MEP1B: variants seen among roughly 807,000 people sequenced by gnomAD.
The protein encoded by MEP1B is N-benzoyl-L-tyrosyl-P-amino-benzoic acid hydrolase subunit beta.
A neutral mutation model predicts 84.6 loss-of-function variants in MEP1B; 80 were observed. That is an observed-to-expected ratio of 0.95 (90% CI 0.79 to 1.14). MEP1B has a LOEUF of 1.14. MEP1B is among the 50% of genes most tolerant of loss of function. MEP1B has a pLI of 0.00. For synonymous variants in MEP1B, 273 were observed against 288.1 expected (o/e 0.95, Z 0.53); for missense variants, 766 against 855.1 (o/e 0.90, Z 1.30).
chr18:32,191,249 T>C (rs2040799369), intron 1 of MEP1B, among the ~76,000 whole-genome samples: 1 of 151,790 alleles, frequency 6.6e-6, no homozygotes, highest in Admixed American at 6.6e-5. Context: ...TGAGTTTCAT[T>C]GACCATTTGT....
At position 32,208,246 on chromosome 18, in the gene MEP1B, T is replaced by A. The variant is rs554435402; in HGVS notation, c.894T>A (p.Asp298Glu). 2 of 1,613,940 alleles carry A rather than the reference T, an allele frequency of 1.2e-6. No homozygotes were observed. The highest frequency in any genetic ancestry group is 2.7e-5 in the African/African-American group (2 of 75,056). Residue 298 changes from aspartate to glutamate, a missense_variant, in exon 9 of 15, where the codon GAT (aspartate) becomes GAA (glutamate). Coordinates refer to ENST00000269202, the MANE Select transcript of MEP1B (RefSeq NM_005925.3). Reference sequence around the variant, plus strand: ...AGGTTCCCAGGGGGCCAGAGAGTGATCACTCCAACATGGGCCAGTGCCAAG... The same window carrying A: ...AGGTTCCCAGGGGGCCAGAGAGTGAACACTCCAACATGGGCCAGTGCCAAG... ...VSQVPRGPESDHSNMGQCQGS... is the reference protein window; with the variant it reads ...VSQVPRGPESEHSNMGQCQGS...
At chr18:32,210,913 CACTT>C (rs2041020133) in intron 10 of MEP1B, among the ~76,000 whole-genome samples, 197 bp downstream of exon 10, 1 of 152,152 alleles carries the variant, frequency 6.6e-6, no homozygotes, top group Non-Finnish European at 1.5e-5. Flanking sequence ...ATGTAACACT[CACTT>C]AAGAAACTGT....
intron 7 of MEP1B, among the ~76,000 whole-genome samples, chr18:32,206,135 C>T (rs2040962213): frequency 6.6e-6 from 1 of 152,104 alleles, no homozygotes; most frequent in African/African-American, 2.4e-5. Flanking sequence ...GCGCCCGCCA[C>T]CACACCCGGC....
intron 6 of MEP1B, 184 bp downstream of exon 6, chr18:32,203,194 T>C (rs190545632): frequency 5.9e-5 from 30 of 511,372 alleles, no homozygotes; most frequent in African/African-American, 5.4e-4. Flanking sequence ...TTCCCATACA[T>C]GTAACCGCCT....
At chr18:32,190,794 T>A (rs1231809812) in intron 1 of MEP1B, among the ~76,000 whole-genome samples, 2 of 152,156 alleles carry the variant, frequency 1.3e-5, no homozygotes, top group Non-Finnish European at 1.5e-5. Context: ...ATTCTGTAGG[T>A]GCACTGGCAT....
intron 10 of MEP1B, among the ~76,000 whole-genome samples, 194 bp downstream of exon 10, chr18:32,210,910 A>G (rs939452498): frequency 6.6e-6 from 1 of 152,136 alleles, no homozygotes; most frequent in African/African-American, 2.4e-5. Flanking sequence ...GTTATGTAAC[A>G]CTCACTTAAG....
chr18:32,199,529 G>A (rs888660438), intron 5 of MEP1B, among the ~76,000 whole-genome samples: 2 of 152,304 alleles, frequency 1.3e-5, no homozygotes, highest in East Asian at 3.9e-4. Flanking sequence ...CAGGGGGCAT[G>A]AGGAGAGAAA....
intron 1 of MEP1B, among the ~76,000 whole-genome samples, chr18:32,190,973 T>G (rs866963698): frequency 1.3e-5 from 2 of 152,254 alleles, no homozygotes; most frequent in Middle Eastern, 6.8e-3. Flanking sequence ...AAAATTGTAC[T>G]TTACACTTTT....
At chr18:32,203,478 G>A (rs572194150) in intron 6 of MEP1B, among the ~76,000 whole-genome samples, 94 of 152,248 alleles carry the variant, frequency 6.2e-4, no homozygotes, top group African/African-American at 2.2e-3. Flanking sequence ...ATAACGAGGA[G>A]CTCAAAGACT....
chr18:32,216,276 A>G (rs936905307), intron 12 of MEP1B, among the ~76,000 whole-genome samples: 3 of 152,142 alleles, frequency 2.0e-5, no homozygotes, highest in Admixed American at 6.5e-5. Context: ...CCTCTTGGAG[A>G]GATTATTCAG....
rs1221058021 is a variant in MEP1B at position 32,208,268 on chromosome 18, C to T, written c.916C>T (p.Gln306Ter). Residue 306 changes from glutamine to a stop codon, truncating the protein, a stop_gained, in exon 9 of 15, where the codon CAA becomes TAA. Transcript: ENST00000269202. LOFTEE classifies it high-confidence loss of function. ...TGATCACTCCAACATGGGCCAGTGC[C>T]AAGGTAACAGGAGTGAGATATTCCT... is the stretch of plus-strand genomic sequence containing the variant. ...ESDHSNMGQC[Q>*]GSGFFMHFDS... 4 of 1,613,118 alleles carry T rather than the reference C, an allele frequency of 2.5e-6. No individual in the cohort carries two copies. The highest frequency in any genetic ancestry group is 3.4e-6 in the Non-Finnish European group (4 of 1,179,396).
Position 32,196,629 on chromosome 18 carries a change from C to A in MEP1B, c.250+1144C>A. The A allele has an allele frequency of 1.4e-6, 1 of 713,878 alleles. No individual in the cohort carries two copies. The highest frequency in any genetic ancestry group is 2.6e-6 in the Non-Finnish European group (1 of 389,512). 44.2% of individuals were successfully genotyped at this position (713,878 alleles called of 1,614,324 possible). A position where few individuals can be genotyped will look rare whatever the true frequency, so the allele number is the denominator to read the frequency against. ...GTACTCCATCACCCTGTGCAGCACC[C>A]GCCTGATGTTGTCCAGCACGCCACC... On this transcript the variant is annotated intron_variant, in intron 5 of 14. Coordinates refer to ENST00000269202, the MANE Select transcript of MEP1B (RefSeq NM_005925.3). This position sits in a 1 kb window ranked among gnomAD's most constrained non-coding sequence, Gnocchi z 4.4.
intron 1 of MEP1B, 29 bp downstream of exon 1, chr18:32,190,162 T>A (rs1159805228): frequency 1.9e-6 from 3 of 1,576,950 alleles, no homozygotes; most frequent in East Asian, 4.5e-5. Context: ...GAAGATAATT[T>A]AAAAATTTTG....
chr18:32,195,428 A>G lies in MEP1B; in HGVS notation c.193A>G (p.Ile65Val), dbSNP rs1011946139. ...LDRAQIRNSI[I>V]GEKYRWPHTI... ...ACAGGCACAAATTAGAAATTCCATC[A>G]TTGGAGAAAAGTATAGATGGCCTCA... is the stretch of plus-strand genomic sequence containing the variant. The change falls in exon 5 of 15, where the codon ATT becomes GTT. Residue 65 changes from isoleucine (I) to valine (V), a missense_variant. By Grantham distance (29) the Ile-to-Val change is conservative. Coordinates refer to ENST00000269202, the MANE Select transcript of MEP1B (RefSeq NM_005925.3). The G allele has an allele frequency of 6.2e-7, 1 of 1,612,090 alleles. No individual in the cohort carries two copies. Among genetic ancestry groups the G allele is most frequent in the Non-Finnish European group, 8.5e-7 (1 of 1,178,554 alleles).
intron 5 of MEP1B, among the ~76,000 whole-genome samples, chr18:32,200,928 T>C (rs886981457): frequency 2.6e-5 from 4 of 152,118 alleles, no homozygotes; most frequent in African/African-American, 4.8e-5. Context: ...ACTCCTAGGA[T>C]TGCCAGCAAC....
intron 6 of MEP1B, among the ~76,000 whole-genome samples, chr18:32,203,531 C>T (rs1012003893): frequency 4.6e-5 from 7 of 152,108 alleles, no homozygotes; most frequent in Admixed American, 3.3e-4. Flanking sequence ...ACCTTGAGGA[C>T]GATTTGCTCC....
intron 9 of MEP1B, among the ~76,000 whole-genome samples, 167 bp downstream of exon 9, chr18:32,208,438 T>G (rs1186708420): frequency 6.6e-6 from 1 of 152,238 alleles, no homozygotes; most frequent in Non-Finnish European, 1.5e-5. Context: ...CATTGTTAAT[T>G]TCTTTGCTTT....
chr18:32,205,274 G>A (rs1246911158), intron 7 of MEP1B, among the ~76,000 whole-genome samples: 2 of 152,100 alleles, frequency 1.3e-5, no homozygotes, highest in African/African-American at 4.8e-5. Flanking sequence ...GTGATTTTGT[G>A]TTCAAAGTCA....
chr18:32,215,126 G>A lies in MEP1B; in HGVS notation c.1624G>A (p.Val542Met). The A allele has an allele frequency of 6.2e-7, 1 of 1,607,624 alleles. No homozygotes were observed. Among genetic ancestry groups the A allele is most frequent in the East Asian group, 2.2e-5 (1 of 44,814 alleles). ...FWDRPSKVGT[V>M]ALFSNGTQFR... ...GGACAGGCCTTCTAAAGTGGGAACA[G>A]TGGCTTTGTTCTCTAATGGAACTCA... Residue 542 changes from valine to methionine, a missense_variant, in exon 12 of 15, where the codon GTG becomes ATG. Transcript: ENST00000269202.
Sources: gnomAD v4.1 joint callset for allele counts (sites outside exome capture counted in the v4.1 genomes callset) on GRCh38, gnomAD v4.1.1 for gene constraint, Gnocchi (gnomAD v3.1) non-coding constraint, MANE v1.5 for transcripts, NCBI Gene and HGNC (gene_info 2026-07-23, HGNC 2026-07-21) for gene names.